Variants in GCNT1 observed in about 807,000 individuals in gnomAD.
The protein encoded by GCNT1 is beta-1,3-galactosyl-O-glycosyl-glycoprotein beta-1,6-N-acetylglucosaminyltransferase.
GCNT1 carries 16 observed loss-of-function variants against 26.2 expected under a neutral mutation model. The observed-to-expected ratio is 0.61, with a 90% CI of 0.41 to 0.93. The LOEUF (loss-of-function observed/expected upper bound fraction) is 0.93, where lower values mean the gene tolerates loss of function less well. GCNT1 is among the 40% of genes least tolerant of loss of function. The pLI is 0.00. For missense variants in GCNT1, 477 were observed against 526.7 expected, an observed-to-expected ratio of 0.91 and a Z score of 0.92; for synonymous variants, 183 against 190.8, an observed-to-expected ratio of 0.96 and a Z score of 0.34.
chr9:76,455,089 G>T (rs913885471), upstream of GCNT1, among the ~76,000 whole-genome samples: 2 of 151,686 alleles, frequency 1.3e-5, no homozygotes, highest in Non-Finnish European at 2.9e-5. Flanking sequence ...CTTGTGATTC[G>T]CCCGCCTCAG....
At chr9:76,461,722 T>C (rs953987235) in intron 2 of GCNT1, among the ~76,000 whole-genome samples, 1 of 151,588 alleles carries the variant, frequency 6.6e-6, no homozygotes, top group Non-Finnish European at 1.5e-5. Context: ...ACCCCATCTC[T>C]ACAAAAATAT....
At chr9:76,399,810 C>T in the GCNT1 span, among the ~76,000 whole-genome samples, 6 of 151,688 alleles carry the variant, frequency 4.0e-5, no homozygotes, top group Non-Finnish European at 8.8e-5. Flanking sequence ...TCAGAATTGC[C>T]AAAACGTGGA....
intron 2 of GCNT1, among the ~76,000 whole-genome samples, chr9:76,499,624 C>T (rs1234604707): frequency 3.3e-5 from 5 of 152,088 alleles, no homozygotes; most frequent in East Asian, 1.9e-4. Context: ...TCCTCTTTGG[C>T]GCTCATTGAA....
Position 76,506,339 on chromosome 9 carries a change from G to A in GCNT1, c.*2671G>A, listed in dbSNP as rs956442193. The A allele has an allele frequency of 6.0e-6, 1 of 166,822 alleles. No homozygotes were observed. The highest frequency in any genetic ancestry group is 1.5e-5 in the Non-Finnish European group (1 of 68,098). 10.3% of individuals were successfully genotyped at this position (166,822 alleles called of 1,614,324 possible). ...ACACCTGTAATCTTCAGGATTTCAA[G>A]ACCAGCCTAGCCAACATGACGAAAC... On this transcript the variant is annotated 3_prime_UTR_variant, in exon 4 of 4. Coordinates refer to ENST00000376730, the MANE Select transcript of GCNT1 (RefSeq NM_001490.5).
the GCNT1 span, among the ~76,000 whole-genome samples, chr9:76,411,145 A>G: frequency 6.6e-6 from 1 of 152,168 alleles, no homozygotes; most frequent in Non-Finnish European, 1.5e-5. Flanking sequence ...ATCCACTCTG[A>G]CAATCTCTGT....
intron 1 of GCNT1, among the ~76,000 whole-genome samples, chr9:76,422,420 G>T (rs1823207688): frequency 6.6e-6 from 1 of 152,192 alleles, no homozygotes; most frequent in Non-Finnish European, 1.5e-5. Context: ...CAGATAGATA[G>T]TTCTTGATTT....
At chr9:76,440,015 C>T (rs1241976416), upstream of GCNT1, among the ~76,000 whole-genome samples, 5 of 151,598 alleles carry the variant, frequency 3.3e-5, no homozygotes, top group Non-Finnish European at 7.4e-5. Context: ...GCAGGAGAAT[C>T]GCTTGAACCC....
chr9:76,456,445 C>A (rs1469709912), upstream of GCNT1, among the ~76,000 whole-genome samples: 1 of 152,186 alleles, frequency 6.6e-6, no homozygotes, highest in Non-Finnish European at 1.5e-5. Flanking sequence ...TCTGATAACC[C>A]CAACACTTCC....
At chr9:76,455,910 C>T (rs965287346), upstream of GCNT1, among the ~76,000 whole-genome samples, 2 of 152,154 alleles carry the variant, frequency 1.3e-5, no homozygotes, top group South Asian at 2.1e-4. Context: ...GCCTCTGTCC[C>T]GTTATTTGAT....
chr9:76,499,254 A>G (rs999176544), intron 2 of GCNT1, among the ~76,000 whole-genome samples: 6 of 151,936 alleles, frequency 3.9e-5, no homozygotes, highest in Admixed American at 6.6e-5. Flanking sequence ...CTGCCTCTCA[A>G]TTAGCTGGGA....
At chr9:76,421,727 T>C (rs1164023457) in intron 1 of GCNT1, among the ~76,000 whole-genome samples, 5 of 127,758 alleles carry the variant, frequency 3.9e-5, no homozygotes, top group Admixed American at 8.6e-5. Context: ...ATGGTCTCAC[T>C]TTGTCATCCA....
At chr9:76,452,459 A>G (rs1212184364) in intron 1 of GCNT1, among the ~76,000 whole-genome samples, 1 of 152,178 alleles carries the variant, frequency 6.6e-6, no homozygotes, top group Non-Finnish European at 1.5e-5. Flanking sequence ...GAGACTGGGT[A>G]ATTTATAAAG....
intron 2 of GCNT1, among the ~76,000 whole-genome samples, chr9:76,490,392 T>G (rs1027439983): frequency 6.6e-6 from 1 of 152,180 alleles, no homozygotes; most frequent in African/African-American, 2.4e-5. Flanking sequence ...AGTAATGAAG[T>G]AGATAAACTT....
intron 1 of GCNT1, among the ~76,000 whole-genome samples, chr9:76,435,053 A>T (rs1823389822): frequency 6.6e-6 from 1 of 152,172 alleles, no homozygotes; most frequent in Non-Finnish European, 1.5e-5. Context: ...GTCATCAGTA[A>T]TTCTAATTTT....
the GCNT1 span, among the ~76,000 whole-genome samples, chr9:76,414,250 A>C: frequency 6.6e-6 from 1 of 152,128 alleles, no homozygotes; most frequent in Non-Finnish European, 1.5e-5. Context: ...TTTGCCTTTT[A>C]GTGTGCCTTG....
rs1483320151 is a variant in GCNT1, at chr9:76,504,486, A to C, written c.*818A>C. 3.1e-6 allele frequency: 1 copy of C among 321,990 alleles called. No homozygotes were observed. The highest frequency in any genetic ancestry group is 5.9e-6 in the Non-Finnish European group (1 of 168,800). The allele number at this position is 321,990 out of a possible 1,614,324, so 19.9% of individuals were successfully genotyped here. On this transcript the variant is annotated 3_prime_UTR_variant, in exon 4 of 4. Transcript: ENST00000376730. ...CCCAGACTGCTATCAAGCTGTGTAA[A>C]AATTTACTTTCACTGGACCCTAAAT...
the GCNT1 span, among the ~76,000 whole-genome samples, chr9:76,395,985 T>C: frequency 2.6e-5 from 4 of 152,182 alleles, no homozygotes; most frequent in African/African-American, 9.7e-5. Context: ...TTTTTTTGTA[T>C]CTATTGTTTT....
chr9:76,476,335 A>G (rs1216663106), intron 2 of GCNT1, among the ~76,000 whole-genome samples: 1 of 152,188 alleles, frequency 6.6e-6, no homozygotes, highest in Non-Finnish European at 1.5e-5. Flanking sequence ...TTAAGAGGGG[A>G]CAAAATGAAC....
chr9:76,438,953 AT>A (rs1391432555), upstream of GCNT1, among the ~76,000 whole-genome samples: 9 of 152,256 alleles, frequency 5.9e-5, no homozygotes, highest in East Asian at 1.7e-3. Flanking sequence ...GTAAGTTTTG[AT>A]TTCTCTAAAG....
Sources: allele counts gnomAD v4.1 joint callset (sites outside exome capture counted in the v4.1 genomes callset), GRCh38; gene constraint gnomAD v4.1.1; transcripts MANE v1.5; gene names NCBI Gene and HGNC (gene_info 2026-07-23, HGNC 2026-07-21).